Variants in ATP2C1 observed in about 807,000 individuals in gnomAD.
ATP2C1 encodes ATPase secretory pathway Ca2+ transporting 1.
A neutral mutation model predicts 120.5 loss-of-function variants in ATP2C1; 31 were observed. The observed-to-expected ratio is 0.26, with a 90% confidence interval of 0.19 to 0.35. The LOEUF (loss-of-function observed/expected upper bound fraction) is 0.35, where lower values mean the gene tolerates loss of function less well. ATP2C1 is among the 10% of genes least tolerant of loss of function. ATP2C1 has a pLI of 1.00. For synonymous variants in ATP2C1, 351 were observed against 358.7 expected (o/e 0.98, Z 0.24); for missense variants, 731 against 1,107.5 (o/e 0.66, Z 4.83).
chr3:130,950,419 T>C (rs1270591520), intron 8 of ATP2C1, among the ~76,000 whole-genome samples: 3 of 152,142 alleles, frequency 2.0e-5, no homozygotes, highest in Non-Finnish European at 4.4e-5. Context: ...CCCTCTCTCA[T>C]GAATGCAATG....
Position 130,969,294 on chromosome 3 carries a change from G to T in ATP2C1, c.1311G>T (p.Met437Ile). 6.2e-7 allele frequency: 1 copy of T among 1,608,720 alleles called. No homozygotes were observed. The highest frequency in any genetic ancestry group is 8.5e-7 in the Non-Finnish European group (1 of 1,175,252). Residue 437 changes from methionine (M) to isoleucine (I), a missense_variant and splice_region_variant, in exon 17 of 28, where the codon ATG (methionine) becomes ATT (isoleucine). Met to Ile is a conservative substitution (Grantham distance 10). Transcript: ENST00000510168. ...AACTTTCTCTTTGTGCCATATAGAT[G>T]GGTCTTGATGGACTTCAACAAGACT... The part of the protein sequence containing the change: ...EGALIALAMK[M>I]GLDGLQQDYI...
intron 2 of ATP2C1, among the ~76,000 whole-genome samples, chr3:130,910,541 T>C (rs1403403275): frequency 7.1e-6 from 1 of 141,418 alleles, no homozygotes; most frequent in East Asian, 2.0e-4. Context: ...TCAAAGGGAA[T>C]GCTTCCAGTT....
rs1436841303 is a variant in ATP2C1, at chr3:130,937,541, C to T, written c.360+78C>T. 79 of 1,213,540 alleles carry T rather than the reference C, an allele frequency of 6.5e-5. No individual in the cohort carries two copies. The East Asian group carries it at 1.1e-3, about 17-fold the overall frequency. 75.2% of individuals were successfully genotyped at this position (1,213,540 alleles called of 1,614,324 possible). ...CAAGGTGTCTTGTGGTAGAACCTAC[C>T]GTTATTGGGGGGTTGTAATGCCCAT... is the stretch of plus-strand genomic sequence containing the variant. On this transcript the variant is annotated intron_variant, in intron 6 of 27. Coordinates refer to ENST00000510168, the MANE Select transcript of ATP2C1 (RefSeq NM_001378687.1).
rs770054396 is a variant in ATP2C1, at chr3:130,993,005, A to C, written c.1890+4A>C. ...GCACAAGATGAAAATTATTAAGGTG[A>C]GTGTGTAAGAATCAGATTGTTTTAT... On this transcript the variant is annotated splice_donor_region_variant and intron_variant, in intron 21 of 27. Transcript: ENST00000510168. The C allele has an allele frequency of 1.2e-6, 2 of 1,610,248 alleles. No homozygotes were observed. Among genetic ancestry groups the C allele is most frequent in the Non-Finnish European group, 1.7e-6 (2 of 1,176,770 alleles).
intron 26 of ATP2C1, among the ~76,000 whole-genome samples, chr3:131,012,332 A>G (rs1216524009): frequency 1.4e-5 from 2 of 139,376 alleles, no homozygotes; most frequent in African/African-American, 5.4e-5. Context: ...ATCTCGGTTC[A>G]CTGCAGCCTC....
At chr3:130,994,972 T>C (rs2108903818) in intron 22 of ATP2C1, among the ~76,000 whole-genome samples, 1 of 152,350 alleles carries the variant, frequency 6.6e-6, no homozygotes, top group East Asian at 1.9e-4. Flanking sequence ...CTGCAACATG[T>C]GATCTACTTG....
At chr3:130,950,146 T>C (rs1420440243) in intron 8 of ATP2C1, among the ~76,000 whole-genome samples, 2 of 152,164 alleles carry the variant, frequency 1.3e-5, no homozygotes, top group Non-Finnish European at 2.9e-5. Flanking sequence ...AATAATAATC[T>C]TGTGAATTTT....
In ATP2C1 at chr3:130,961,857, C is replaced by G. The variant is rs576551838; in HGVS notation, c.900-2114C>G. ...AGAGCCAAATAGAAGCACTGTAGGC[C>G]GTAATGATGTGGGTGAAATTAATAA... On this transcript the variant is annotated intron_variant, in intron 12 of 27. Transcript: ENST00000510168. Among the ~76,000 whole-genome samples the G allele has an allele frequency of 5.9e-5, 9 of 151,980 alleles. 1 individual carries two copies. The South Asian group carries it at 1.2e-3, about 21-fold the overall frequency.
chr3:130,911,035 C>T (rs2058381088), intron 2 of ATP2C1, among the ~76,000 whole-genome samples: 2 of 151,906 alleles, frequency 1.3e-5, no homozygotes, highest in South Asian at 2.1e-4. Context: ...AGCAGTTCCT[C>T]CTTGTACCTC....
At chr3:130,995,990 A>G in intron 22 of ATP2C1, 53 bp from the exon 23 acceptor site, 2 of 1,156,420 alleles carry the variant, frequency 1.7e-6, no homozygotes, top group Non-Finnish European at 2.6e-6. Flanking sequence ...TAGTATAGAT[A>G]CATTTTTGTA....
At chr3:130,990,009 T>TA (rs1281686500) in intron 20 of ATP2C1, among the ~76,000 whole-genome samples, 1 of 152,216 alleles carries the variant, frequency 6.6e-6, no homozygotes, top group Non-Finnish European at 1.5e-5. Flanking sequence ...TGATTCATGA[T>TA]ATTTGGATTG....
At chr3:130,885,779 G>GA (rs1278511494) in intron 1 of ATP2C1, among the ~76,000 whole-genome samples, 5 of 152,044 alleles carry the variant, frequency 3.3e-5, no homozygotes, top group Non-Finnish European at 5.9e-5. Context: ...ATTACAGTTT[G>GA]TTTTTGCAAT....
intron 2 of ATP2C1, among the ~76,000 whole-genome samples, chr3:130,925,535 T>A (rs2059165246): frequency 6.6e-6 from 1 of 152,150 alleles, no homozygotes; most frequent in Non-Finnish European, 1.5e-5. Context: ...TTTAGTGTGC[T>A]GGTTTTGTGT....
chr3:130,937,226 C>T (rs2059712112), intron 5 of ATP2C1, among the ~76,000 whole-genome samples: 2 of 152,206 alleles, frequency 1.3e-5, no homozygotes, highest in Non-Finnish European at 2.9e-5. Context: ...GTTAGAGAAG[C>T]TGCCCTGGTA....
intron 26 of ATP2C1, among the ~76,000 whole-genome samples, chr3:131,012,725 C>T (rs2063376576): frequency 6.6e-6 from 1 of 152,068 alleles, no homozygotes; most frequent in Admixed American, 6.6e-5. Context: ...GAGGAACTCC[C>T]ATGCAATCCT....
chr3:130,941,553 T>A, intron 7 of ATP2C1, 38 bp from the exon 8 acceptor site: 1 of 1,554,770 alleles, frequency 6.4e-7, no homozygotes, highest in Non-Finnish European at 8.9e-7. Context: ...CATGAATTTT[T>A]TTTTTTTAAC....
intron 20 of ATP2C1, among the ~76,000 whole-genome samples, chr3:130,988,146 C>T (rs532681647): frequency 2.6e-5 from 4 of 152,190 alleles, no homozygotes; most frequent in South Asian, 4.2e-4. Context: ...CTTGTTTTTT[C>T]TTCAGTGCAT....
At chr3:130,976,829 AC>A (rs1326390603) in intron 18 of ATP2C1, among the ~76,000 whole-genome samples, 3 of 152,162 alleles carry the variant, frequency 2.0e-5, no homozygotes, top group African/African-American at 7.2e-5. Context: ...GATCTCTGAA[AC>A]CACAGGGTTT....
At chr3:130,986,332 C>T (rs140746114) in intron 20 of ATP2C1, among the ~76,000 whole-genome samples, 3 of 151,994 alleles carry the variant, frequency 2.0e-5, no homozygotes, top group African/African-American at 2.4e-5. Flanking sequence ...AAACATTTTA[C>T]CATTAGACTT....
Sources: gnomAD v4.1 joint callset for allele counts (sites outside exome capture counted in the v4.1 genomes callset) on GRCh38, gnomAD v4.1.1 for gene constraint, MANE v1.5 for transcripts, NCBI Gene and HGNC (gene_info 2026-07-23, HGNC 2026-07-21) for gene names.